NRXN1: variants seen among roughly 807,000 people sequenced by gnomAD.
NRXN1 encodes the protein neurexin 1, also known as neurexin-1.
NRXN1 carries 39 observed loss-of-function variants against 150.9 expected under a neutral mutation model. That is an observed-to-expected ratio of 0.26 (90% confidence interval 0.20 to 0.34). The LOEUF is 0.34. NRXN1 is among the 10% of genes least tolerant of loss of function. The probability of loss-of-function intolerance (pLI) is 1.00; values close to 1 mark genes in which losing one functional copy is unlikely to be tolerated. For missense variants in NRXN1, 1,815 were observed against 1,949.9 expected (o/e 0.93, Z 1.30); for synonymous variants, 924 against 757.0 (o/e 1.22, Z -3.62).
intron 17 of NRXN1, among the ~76,000 whole-genome samples, chr2:50,366,529 A>ATTT (rs2079594841): frequency 6.6e-6 from 1 of 152,020 alleles, no homozygotes; most frequent in African/African-American, 2.4e-5. Flanking sequence ...GGAAGTGCAC[A>ATTT]GAGTAGCAAT....
chr2:50,145,103 AT>A (rs1707816901), intron 18 of NRXN1, among the ~76,000 whole-genome samples: 1 of 151,694 alleles, frequency 6.6e-6, no homozygotes, highest in African/African-American at 2.4e-5. Flanking sequence ...ATAAAAGCAT[AT>A]TTTTAGTATT....
intron 12 of NRXN1, among the ~76,000 whole-genome samples, chr2:50,519,856 T>C (rs893219838): frequency 1.3e-5 from 2 of 151,882 alleles, no homozygotes; most frequent in East Asian, 3.9e-4. Flanking sequence ...TCCTCCCTAT[T>C]ATATGTTACT....
At chr2:50,444,443 T>C (rs1023437166) in intron 17 of NRXN1, among the ~76,000 whole-genome samples, 1 of 152,152 alleles carries the variant, frequency 6.6e-6, no homozygotes, top group Non-Finnish European at 1.5e-5. Context: ...CAATATTGTT[T>C]ACTTGTCTTT....
intron 18 of NRXN1, among the ~76,000 whole-genome samples, chr2:50,145,524 C>T (rs1341628666): frequency 1.3e-5 from 2 of 151,758 alleles, no homozygotes; most frequent in South Asian, 2.1e-4. Context: ...AATATCTTCA[C>T]GCTATCTCCC....
At chr2:50,695,305 A>G (rs902871513) in intron 5 of NRXN1, among the ~76,000 whole-genome samples, 1 of 152,190 alleles carries the variant, frequency 6.6e-6, no homozygotes, top group East Asian at 1.9e-4. Flanking sequence ...AATCAGACTC[A>G]CATGAATTAA....
intron 17 of NRXN1, among the ~76,000 whole-genome samples, chr2:50,439,998 A>G (rs2085800056): frequency 6.6e-6 from 1 of 152,198 alleles, no homozygotes; most frequent in Admixed American, 6.5e-5. Context: ...ATGGATTTCA[A>G]TCTCCACCCA....
chr2:50,739,178 C>T (rs975460804), intron 5 of NRXN1: 2 of 382,652 alleles, frequency 5.2e-6, no homozygotes, highest in African/African-American at 2.1e-5. Flanking sequence ...CTTACAAATC[C>T]TTATGATTAT....
chr2:50,754,655 T>C (rs984822332), intron 5 of NRXN1, among the ~76,000 whole-genome samples: 4 of 151,830 alleles, frequency 2.6e-5, no homozygotes, highest in Admixed American at 2.6e-4. Flanking sequence ...CAAGCTACAG[T>C]CCACTCTGCC....
intron 5 of NRXN1, among the ~76,000 whole-genome samples, chr2:50,890,099 C>G (rs1025468407): frequency 6.6e-6 from 1 of 151,760 alleles, no homozygotes; most frequent in East Asian, 1.9e-4. Context: ...CTCAAACACA[C>G]AAATATGCAC....
At chr2:50,198,255 GA>G (rs1457043447) in intron 18 of NRXN1, among the ~76,000 whole-genome samples, 1 of 152,074 alleles carries the variant, frequency 6.6e-6, no homozygotes, top group East Asian at 1.9e-4. Flanking sequence ...GTTAGGAAAA[GA>G]AAAAAACATT....
At chr2:50,234,378 T>C (rs2065230081) in intron 18 of NRXN1, among the ~76,000 whole-genome samples, 1 of 151,796 alleles carries the variant, frequency 6.6e-6, no homozygotes, top group African/African-American at 2.4e-5. Flanking sequence ...CCTGTAATCC[T>C]AGATATTTGG....
chr2:50,388,924 C>T (rs993390835), intron 17 of NRXN1, among the ~76,000 whole-genome samples: 1 of 152,066 alleles, frequency 6.6e-6, no homozygotes, highest in Non-Finnish European at 1.5e-5. Context: ...GTGGTCACTA[C>T]ATTAAACAAA....
At chr2:50,982,776 A>C (rs909413610) in intron 2 of NRXN1, among the ~76,000 whole-genome samples, 1 of 152,114 alleles carries the variant, frequency 6.6e-6, no homozygotes, top group Non-Finnish European at 1.5e-5. Flanking sequence ...GATCATTTTA[A>C]TGTGCACCTA....
intron 19 of NRXN1, among the ~76,000 whole-genome samples, chr2:50,058,346 G>C (rs943396934): frequency 6.6e-6 from 1 of 152,078 alleles, no homozygotes. Flanking sequence ...GCCACACAAG[G>C]GGGTCATATC....
intron 2 of NRXN1, among the ~76,000 whole-genome samples, chr2:50,968,082 T>G (rs1327093410): frequency 6.6e-6 from 1 of 152,052 alleles, no homozygotes; most frequent in Non-Finnish European, 1.5e-5. Flanking sequence ...ATACTGTTAA[T>G]AATAAATACT....
At chr2:50,996,229 G>A (rs961809322) in intron 2 of NRXN1, among the ~76,000 whole-genome samples, 6 of 152,022 alleles carry the variant, frequency 3.9e-5, no homozygotes, top group African/African-American at 9.7e-5. Context: ...ATTTTAATCC[G>A]TATTTTTGTG....
At chr2:50,147,337 G>C (rs1274377517) in intron 18 of NRXN1, among the ~76,000 whole-genome samples, 1 of 151,740 alleles carries the variant, frequency 6.6e-6, no homozygotes, top group Non-Finnish European at 1.5e-5. Context: ...TATAGCCAGA[G>C]TCCTACTAGT....
intron 12 of NRXN1, among the ~76,000 whole-genome samples, chr2:50,527,573 A>G (rs538952978): frequency 1.3e-5 from 2 of 152,282 alleles, no homozygotes; most frequent in East Asian, 3.9e-4. Context: ...TTTTAAAAGA[A>G]TATTAAATAT....
chr2:49,923,335 T>G (rs1403787117), intron 22 of NRXN1, among the ~76,000 whole-genome samples: 1 of 152,206 alleles, frequency 6.6e-6, no homozygotes, highest in Non-Finnish European at 1.5e-5. Flanking sequence ...GAATTGTGTT[T>G]TCTGTTTTTC....
Sources: gnomAD v4.1 joint callset for allele counts (sites outside exome capture counted in the v4.1 genomes callset) on GRCh38, gnomAD v4.1.1 for gene constraint, MANE v1.5 for transcripts, NCBI Gene and HGNC (gene_info 2026-07-23, HGNC 2026-07-21) for gene names.